The following GRM7 variants were observed in gnomAD, a reference collection of about 807,000 sequenced individuals.
GRM7 encodes metabotropic glutamate receptor 7.
GRM7 carries 35 observed loss-of-function variants against 84.5 expected under a neutral mutation model. That is an observed-to-expected ratio of 0.41 (90% CI 0.32 to 0.55). The LOEUF is 0.55. GRM7 is among the 20% of genes least tolerant of loss of function. The pLI is 0.19. For synonymous variants in GRM7, 487 were observed against 455.1 expected, an observed-to-expected ratio of 1.07 and a Z score of -0.89; for missense variants, 1,003 against 1,194.6, an observed-to-expected ratio of 0.84 and a Z score of 2.36.
intron 1 of GRM7, among the ~76,000 whole-genome samples, chr3:6,911,896 G>A (rs1022535858): frequency 1.4e-4 from 22 of 152,264 alleles, no homozygotes; most frequent in East Asian, 5.8e-4. Flanking sequence ...TGCATTAGAC[G>A]TTTTCAAAAT....
At chr3:7,099,513 T>C (rs1399131273) in intron 1 of GRM7, among the ~76,000 whole-genome samples, 3 of 146,514 alleles carry the variant, frequency 2.0e-5, no homozygotes, top group African/African-American at 2.5e-5. Flanking sequence ...TGTACACATA[T>C]ATGTATATGT....
intron 7 of GRM7, among the ~76,000 whole-genome samples, chr3:7,465,710 A>T (rs911157750): frequency 6.6e-6 from 1 of 152,024 alleles, no homozygotes; most frequent in East Asian, 1.9e-4. Context: ...TACTTTTTCA[A>T]TTCTCAGTTA....
chr3:7,376,905 G>A (rs1694373855), intron 4 of GRM7, among the ~76,000 whole-genome samples: 1 of 152,140 alleles, frequency 6.6e-6, no homozygotes, highest in African/African-American at 2.4e-5. Context: ...CTGCCTACCA[G>A]TGCATCTACA....
At position 6,881,921 on chromosome 3, in the gene GRM7, T is replaced by TTGTGTGTGTGTGTGTG. The variant is rs3060190; in HGVS notation, c.519+20032_519+20047dup. ...GATCGATTAGTCTAAGGCAATTGAA[T>TTGTGTGTGTGTGTGTG]TGTGTGTGTGTGTGTGTGTGTGTGT... On this transcript the variant is annotated intron_variant, in intron 1 of 9. Transcript: ENST00000357716. Among the ~76,000 whole-genome samples, 765 of 144,674 alleles carry TTGTGTGTGTGTGTGTG rather than the reference T, an allele frequency of 5.3e-3. 7 individuals carry two copies. The highest frequency in any genetic ancestry group is 0.019 in the African/African-American group (733 of 39,352). The allele number at this position is 144,674 out of a possible 152,430, so 94.9% of individuals were successfully genotyped here.
At chr3:6,941,100 G>A (rs978989311) in intron 1 of GRM7, among the ~76,000 whole-genome samples, 66 of 152,272 alleles carry the variant, frequency 4.3e-4, no homozygotes, top group African/African-American at 1.3e-3. Context: ...ATGGCTGGAC[G>A]TCAATAGCTC....
At chr3:7,017,601 G>C (rs1033471787) in intron 1 of GRM7, among the ~76,000 whole-genome samples, 1 of 152,158 alleles carries the variant, frequency 6.6e-6, no homozygotes, top group Admixed American at 6.6e-5. Flanking sequence ...ATGTCGATAA[G>C]TTGTGCTGGT....
chr3:7,155,220 G>C (rs150538567), intron 2 of GRM7, among the ~76,000 whole-genome samples: 88 of 152,200 alleles, frequency 5.8e-4, no homozygotes, highest in African/African-American at 2.1e-3. Flanking sequence ...TGGCTTTTGG[G>C]AAAATAGGAC....
intron 8 of GRM7, among the ~76,000 whole-genome samples, chr3:7,642,837 A>G (rs1031478202): frequency 6.6e-5 from 10 of 152,114 alleles, no homozygotes; most frequent in African/African-American, 2.4e-4. Context: ...CATGTATGAG[A>G]ACATGAAAAC....
intron 8 of GRM7, among the ~76,000 whole-genome samples, chr3:7,642,380 G>A (rs1340269507): frequency 2.6e-5 from 4 of 152,154 alleles, no homozygotes; most frequent in Non-Finnish European, 4.4e-5. Flanking sequence ...CATGCATATC[G>A]TGCACTCTCA....
intron 7 of GRM7, among the ~76,000 whole-genome samples, chr3:7,531,710 T>C (rs1418320427): frequency 1.3e-5 from 2 of 152,272 alleles, no homozygotes; most frequent in African/African-American, 2.4e-5. Context: ...GGGGCTGAGA[T>C]GATGAGGTTT....
At chr3:7,711,263 G>T (rs181847135) in intron 9 of GRM7, among the ~76,000 whole-genome samples, 6 of 152,322 alleles carry the variant, frequency 3.9e-5, no homozygotes, top group African/African-American at 1.4e-4. Context: ...CATTTGAGAT[G>T]AGACTAAATG....
chr3:7,198,832 CT>C (rs1225886113), intron 2 of GRM7, among the ~76,000 whole-genome samples: 3 of 152,156 alleles, frequency 2.0e-5, no homozygotes, highest in Non-Finnish European at 4.4e-5. Context: ...TGGGGACTGC[CT>C]GTACATTTAG....
intron 2 of GRM7, 37 bp downstream of exon 2, chr3:7,146,705 C>T: frequency 7.0e-7 from 1 of 1,438,744 alleles, no homozygotes; most frequent in Non-Finnish European, 9.7e-7. Context: ...TGGCTCTCTT[C>T]AAACGTCTGT....
At chr3:7,219,438 T>C (rs1696725790) in intron 2 of GRM7, among the ~76,000 whole-genome samples, 1 of 152,196 alleles carries the variant, frequency 6.6e-6, no homozygotes, top group Non-Finnish European at 1.5e-5. Flanking sequence ...GTGAATAGCC[T>C]TGTATATGTA....
intron 1 of GRM7, among the ~76,000 whole-genome samples, chr3:7,033,827 G>T (rs1006670765): frequency 6.6e-6 from 1 of 152,138 alleles, no homozygotes; most frequent in African/African-American, 2.4e-5. Context: ...CTAGCAGAGG[G>T]TCTCAGGGGA....
At chr3:7,152,428 G>A (rs1694314319) in intron 2 of GRM7, among the ~76,000 whole-genome samples, 1 of 152,192 alleles carries the variant, frequency 6.6e-6, no homozygotes, top group Admixed American at 6.5e-5. Context: ...AGTAAAAGAT[G>A]TTTAGCGTGA....
chr3:6,868,936 T>C (rs1271436013), intron 1 of GRM7, among the ~76,000 whole-genome samples: 1 of 151,990 alleles, frequency 6.6e-6, no homozygotes, highest in Non-Finnish European at 1.5e-5. Flanking sequence ...CCACGGCTGC[T>C]GACTTTCTTT....
intron 7 of GRM7, among the ~76,000 whole-genome samples, chr3:7,550,358 CTCCT>C (rs1463676534): frequency 6.9e-6 from 1 of 145,096 alleles, no homozygotes; most frequent in African/African-American, 2.6e-5. Flanking sequence ...TTCTCCCTCC[CTCCT>C]TCCTTCCTTT....
Position 7,188,235 on chromosome 3 carries a change from T to C in GRM7, c.736+41567T>C, listed in dbSNP as rs1366963660. ...GCAGCAAGAGGGAAGATCAGCATTA[T>C]CAGCCTGCAGAAGAGCCAAAACTCC... On this transcript the variant is annotated intron_variant, in intron 2 of 9. Coordinates refer to ENST00000357716, the MANE Select transcript of GRM7 (RefSeq NM_000844.4). The surrounding 1 kb of genome is among the most constrained non-coding windows in gnomAD (Gnocchi z 4.2). 2.0e-5 allele frequency among the ~76,000 whole-genome samples: 3 copies of C among 152,132 alleles called. No individual in the cohort carries two copies. The highest frequency in any genetic ancestry group is 7.2e-5 in the African/African-American group (3 of 41,436).
Sources: gnomAD v4.1 joint callset for allele counts (sites outside exome capture counted in the v4.1 genomes callset) on GRCh38, gnomAD v4.1.1 for gene constraint, Gnocchi (gnomAD v3.1) non-coding constraint, MANE v1.5 for transcripts, NCBI Gene and HGNC (gene_info 2026-07-23, HGNC 2026-07-21) for gene names.